Variants in KMT2C observed in about 807,000 individuals in gnomAD.
The protein encoded by KMT2C is histone-lysine N-methyltransferase 2C.
A neutral mutation model predicts 507.9 loss-of-function variants in KMT2C; 88 were observed. The observed-to-expected ratio is 0.17, with a 90% CI of 0.15 to 0.21. The LOEUF (loss-of-function observed/expected upper bound fraction) is 0.21, where lower values mean the gene tolerates loss of function less well. KMT2C is among the 10% of genes least tolerant of loss of function. KMT2C has a pLI of 1.00. For missense variants in KMT2C, 4,954 were observed against 5,957.8 expected, an observed-to-expected ratio of 0.83 and a Z score of 5.55; for synonymous variants, 2,049 against 2,080.8, an observed-to-expected ratio of 0.98 and a Z score of 0.42.
At chr7:152,388,105 AAAAT>A (rs1398292504) in intron 1 of KMT2C, among the ~76,000 whole-genome samples, 215 of 147,552 alleles carry the variant, frequency 1.5e-3, no homozygotes, top group Middle Eastern at 3.5e-3. Context: ...TCAAAAAAAA[AAAAT>A]AAATAAATAA....
intron 6 of KMT2C, among the ~76,000 whole-genome samples, chr7:152,290,540 CCTCGTGATCCACCCG>C (rs1160022981): frequency 6.6e-6 from 1 of 151,162 alleles, no homozygotes; most frequent in Non-Finnish European, 1.5e-5. Flanking sequence ...GAGCTCCTGA[CCTCGTGATCCACCCG>C]CTTCAGCCTC....
At chr7:152,355,854 T>A (rs547807999) in intron 2 of KMT2C, among the ~76,000 whole-genome samples, 10 of 152,302 alleles carry the variant, frequency 6.6e-5, no homozygotes, top group Admixed American at 5.9e-4. Flanking sequence ...GCAAAGAAGC[T>A]GTATAGTACC....
At chr7:152,267,021 T>TTCTA (rs1239903376) in intron 7 of KMT2C, among the ~76,000 whole-genome samples, 2 of 152,264 alleles carry the variant, frequency 1.3e-5, no homozygotes, top group Non-Finnish European at 2.9e-5. Context: ...TTTCCTTAGT[T>TTCTA]TCTATCATGG....
At chr7:152,165,907 C>T (rs1357740463) in intron 42 of KMT2C, among the ~76,000 whole-genome samples, 6 of 152,110 alleles carry the variant, frequency 3.9e-5, no homozygotes, top group Non-Finnish European at 7.3e-5. Context: ...CAGCTGGTCT[C>T]GAACTCCTGG....
intron 39 of KMT2C, among the ~76,000 whole-genome samples, chr7:152,173,369 A>G (rs2093051542): frequency 6.6e-6 from 1 of 152,226 alleles, no homozygotes; most frequent in Non-Finnish European, 1.5e-5. Flanking sequence ...TCATATAGTA[A>G]TACACGTAAG....
intron 43 of KMT2C, among the ~76,000 whole-genome samples, 163 bp downstream of exon 43, chr7:152,161,954 A>G (rs138462343): frequency 2.0e-5 from 3 of 152,370 alleles, no homozygotes; most frequent in Non-Finnish European, 2.9e-5. Flanking sequence ...AGATATAAGT[A>G]AAAACATGGG....
chr7:152,324,065 G>A (rs979925614), intron 3 of KMT2C, among the ~76,000 whole-genome samples: 5 of 151,616 alleles, frequency 3.3e-5, no homozygotes, highest in African/African-American at 1.2e-4. Context: ...GTAAGTTGTT[G>A]GTCAAAGGAT....
Position 152,163,937 on chromosome 7 carries a change from G to C in KMT2C, c.9751-111C>G, listed in dbSNP as rs1023539225. 8.2e-6 allele frequency: 8 copies of C among 980,052 alleles called. No homozygotes were observed. The African/African-American group carries it at 1.1e-4, about 14-fold the overall frequency. The allele number at this position is 980,052 out of a possible 1,614,324, so 60.7% of individuals were successfully genotyped here. A position where few individuals can be genotyped will look rare whatever the true frequency, so the allele number is the denominator to read the frequency against. Reference sequence around the variant, plus strand: ...ACACAGAGGGCAGTTTGGCCCTGCAGAAGCAAACATATTTTGCTTGGGTAA... The same window carrying C: ...ACACAGAGGGCAGTTTGGCCCTGCACAAGCAAACATATTTTGCTTGGGTAA... On this transcript the variant is annotated intron_variant, in intron 42 of 58. Transcript: ENST00000262189.
At chr7:152,354,713 A>C (rs1274693483) in intron 2 of KMT2C, among the ~76,000 whole-genome samples, 1 of 152,218 alleles carries the variant, frequency 6.6e-6, no homozygotes, top group Admixed American at 6.5e-5. Context: ...TGCCTGAGAA[A>C]GGAGTATGTT....
At chr7:152,391,128 AGT>A (rs2097491177) in intron 1 of KMT2C, among the ~76,000 whole-genome samples, 1 of 99,786 alleles carries the variant, frequency 1.0e-5, no homozygotes, top group East Asian at 3.6e-4. Context: ...TGGGCGACAG[AGT>A]GAGACTGTCT....
rs1211023031 is a variant in KMT2C at position 152,144,208 on chromosome 7, A to AG, written c.14343+504dup. On this transcript the variant is annotated intron_variant, in intron 55 of 58. Coordinates refer to ENST00000262189, the MANE Select transcript of KMT2C (RefSeq NM_170606.3). The surrounding 1 kb of genome is among the most constrained non-coding windows in gnomAD (Gnocchi z 4.4). ...ATTTGGATATTTGGGTCTGCAGCTC[A>AG]GGAAGTATGGACTATAGGTGTAAAC... 6.6e-6 allele frequency among the ~76,000 whole-genome samples: 1 copy of AG among 150,832 alleles called. No individual in the cohort carries two copies. Among genetic ancestry groups the AG allele is most frequent in the Middle Eastern group, 3.2e-3 (1 of 310 alleles).
intron 1 of KMT2C, among the ~76,000 whole-genome samples, chr7:152,426,243 T>G (rs1343548979): frequency 3.4e-5 from 5 of 147,692 alleles, no homozygotes; most frequent in Admixed American, 2.7e-4. Context: ...TTTTTTTTTT[T>G]TTTTTTTTTT....
At chr7:152,189,663 T>C (rs964282209) in intron 31 of KMT2C, among the ~76,000 whole-genome samples, 2 of 152,196 alleles carry the variant, frequency 1.3e-5, no homozygotes, top group Non-Finnish European at 2.9e-5. Context: ...TTAAAAGATT[T>C]TGTCTCAAAG....
chr7:152,308,203 G>A (rs2096637915), intron 6 of KMT2C, among the ~76,000 whole-genome samples: 1 of 152,140 alleles, frequency 6.6e-6, no homozygotes, highest in Non-Finnish European at 1.5e-5. Flanking sequence ...GATAATCCAA[G>A]TAAAGCTAAT....
intron 3 of KMT2C, among the ~76,000 whole-genome samples, chr7:152,328,662 A>G (rs1325090006): frequency 1.3e-5 from 2 of 152,196 alleles, no homozygotes; most frequent in Non-Finnish European, 2.9e-5. Flanking sequence ...AAATTGGACT[A>G]TGGAAAGGTA....
intron 56 of KMT2C, 145 bp from the exon 57 acceptor site, chr7:152,139,404 G>A (rs1447202364): frequency 9.6e-6 from 7 of 725,584 alleles, no homozygotes; most frequent in Non-Finnish European, 1.6e-5. Flanking sequence ...AGGCACAGAT[G>A]ACATTTACAT....
At chr7:152,295,562 T>C (rs182980480) in intron 6 of KMT2C, among the ~76,000 whole-genome samples, 37 of 152,340 alleles carry the variant, frequency 2.4e-4, no homozygotes. Context: ...ATTTTCAGAT[T>C]CCCTCAGTTA....
At position 152,176,379 on chromosome 7, in the gene KMT2C, A is replaced by G. The variant is rs1168281801; in HGVS notation, c.9074T>C (p.Met3025Thr). 1.9e-6 allele frequency: 3 copies of G among 1,614,162 alleles called. No individual in the cohort carries two copies. The highest frequency in any genetic ancestry group is 2.2e-5 in the East Asian group (1 of 44,874). ...PQTSQSGTSS[M>T]SGPQQLMIPQ... is the part of the protein sequence containing the mutation. ...AATCATTAGCTGTTGGGGTCCAGAC[A>G]TGCTACTGGTACCAGACTGACTTGT... is the stretch of plus-strand genomic sequence containing the variant. Residue 3025 changes from methionine to threonine, a missense_variant, in exon 38 of 59, where the codon ATG (methionine) becomes ACG (threonine). Physicochemically the swap from Met to Thr is moderately conservative, Grantham distance 81. This residue lies in a region of KMT2C where 1,689 missense variants were observed against 1,654.3 expected (regional missense o/e 1.02). Transcript: ENST00000262189.
chr7:152,426,397 C>T (rs1564214953), intron 1 of KMT2C, among the ~76,000 whole-genome samples: 1 of 151,864 alleles, frequency 6.6e-6, no homozygotes, highest in Non-Finnish European at 1.5e-5. Flanking sequence ...ACCACCGCAT[C>T]CAGCTATTTT....
Sources: allele counts gnomAD v4.1 joint callset (sites outside exome capture counted in the v4.1 genomes callset), GRCh38; gene constraint gnomAD v4.1.1; regional missense constraint gnomAD v4.1.1; non-coding constraint Gnocchi (gnomAD v3.1); transcripts MANE v1.5; gene names NCBI Gene and HGNC (gene_info 2026-07-23, HGNC 2026-07-21).